CDH4: variants seen among roughly 807,000 people sequenced by gnomAD.
CDH4 encodes the protein cadherin 4.
In CDH4, 33 loss-of-function variants were observed where a neutral mutation model predicts 86.0. The ratio of observed to expected loss-of-function variants is 0.38; its 90% CI spans 0.29 to 0.51. The LOEUF (loss-of-function observed/expected upper bound fraction) is 0.51, where lower values mean the gene tolerates loss of function less well. Ranked by LOEUF, CDH4 falls within the 20% of genes least tolerant of loss-of-function variation. CDH4 has a pLI of 0.86. For synonymous variants in CDH4, 555 were observed against 549.4 expected, an observed-to-expected ratio of 1.01 and a Z score of -0.14; for missense variants, 1,114 against 1,307.4, an observed-to-expected ratio of 0.85 and a Z score of 2.28.
intron 2 of CDH4, among the ~76,000 whole-genome samples, chr20:61,583,865 A>C (rs1023950610): frequency 6.6e-6 from 1 of 152,182 alleles, no homozygotes; most frequent in Non-Finnish European, 1.5e-5. Flanking sequence ...TGACTTTTAA[A>C]ATATTCACTG....
chr20:61,632,227 C>CT (rs1411926272), intron 2 of CDH4, among the ~76,000 whole-genome samples: 1 of 152,186 alleles, frequency 6.6e-6, no homozygotes, highest in East Asian at 1.9e-4. Flanking sequence ...TCAGTGCAGG[C>CT]TGTGAAGGAG....
chr20:61,737,091 T>A (rs2145933626), intron 2 of CDH4, among the ~76,000 whole-genome samples: 1 of 152,226 alleles, frequency 6.6e-6, no homozygotes, highest in Admixed American at 6.5e-5. Context: ...TCGTTGCTCC[T>A]CGTGTTGCTT....
chr20:61,666,262 A>G (rs748371066), intron 2 of CDH4, among the ~76,000 whole-genome samples: 1 of 152,212 alleles, frequency 6.6e-6, no homozygotes, highest in African/African-American at 2.4e-5. Context: ...AGATGGCTGC[A>G]CAGATGAGAG....
chr20:61,759,531 C>A (rs548548547), intron 3 of CDH4, among the ~76,000 whole-genome samples: 2 of 152,250 alleles, frequency 1.3e-5, no homozygotes, highest in African/African-American at 2.4e-5. Flanking sequence ...TCCCGAATCA[C>A]ACACGCTGAT....
intron 4 of CDH4, among the ~76,000 whole-genome samples, chr20:61,827,192 C>G (rs1238946664): frequency 6.6e-6 from 1 of 151,982 alleles, no homozygotes; most frequent in Non-Finnish European, 1.5e-5. Context: ...AAAGCAAGCC[C>G]TGAAAATCAA....
rs1000000578 is a variant in CDH4 at position 61,383,820 on chromosome 20, C to T, written c.169+128883C>T. Among the ~76,000 whole-genome samples the T allele has an allele frequency of 2.3e-4, 20 of 85,420 alleles. 1 individual carries two copies. Among genetic ancestry groups the T allele is most frequent in the African/African-American group, 9.2e-4 (17 of 18,570 alleles). The allele number at this position is 85,420 out of a possible 152,430, so 56.0% of individuals were successfully genotyped here. A position where few individuals can be genotyped will look rare whatever the true frequency, so the allele number is the denominator to read the frequency against. On this transcript the variant is annotated intron_variant, in intron 2 of 15. Coordinates refer to ENST00000614565, the MANE Select transcript of CDH4 (RefSeq NM_001794.5). ...ATGCATATATATGAAGATATATATG[C>T]GTATATATGAAGATATATATGCGTA... is the stretch of plus-strand genomic sequence containing the variant.
At chr20:61,751,580 G>A (rs189535518) in intron 3 of CDH4, among the ~76,000 whole-genome samples, 1 of 151,996 alleles carries the variant, frequency 6.6e-6, no homozygotes, top group East Asian at 1.9e-4. Flanking sequence ...TTTATTATAA[G>A]AGCAGTGCTG....
At chr20:61,740,710 G>A (rs1174174297) in intron 2 of CDH4, 1 of 152,294 alleles carries the variant, frequency 6.6e-6, no homozygotes, top group Non-Finnish European at 1.5e-5. Flanking sequence ...GACAACTCCT[G>A]TTTTCCTCCT....
chr20:61,330,592 C>T (rs2084567296), intron 2 of CDH4, among the ~76,000 whole-genome samples: 1 of 152,194 alleles, frequency 6.6e-6, no homozygotes. Context: ...CATGTCCTGA[C>T]GGGGAACGCC....
chr20:61,578,625 G>A (rs890414003), intron 2 of CDH4, among the ~76,000 whole-genome samples: 3 of 152,100 alleles, frequency 2.0e-5, no homozygotes, highest in African/African-American at 4.8e-5. Context: ...AGGGGTGGTC[G>A]GCCAGGATTC....
chr20:61,862,856 G>A lies in CDH4; in HGVS notation c.877+9958G>A, dbSNP rs112301489. Among the ~76,000 whole-genome samples, 186 of 152,302 alleles carry A rather than the reference G, an allele frequency of 1.2e-3. 1 individual carries two copies. Among genetic ancestry groups the A allele is most frequent in the African/African-American group, 4.1e-3 (172 of 41,558 alleles). On this transcript the variant is annotated intron_variant, in intron 6 of 15. Coordinates refer to ENST00000614565, the MANE Select transcript of CDH4 (RefSeq NM_001794.5). ...AAAATATTAAAAAGCAGGGAAATCT[G>A]CGTGCTGCAAATGAAGTCAAAGAGA...
chr20:61,558,116 A>G (rs939540920), intron 2 of CDH4, among the ~76,000 whole-genome samples: 1 of 152,210 alleles, frequency 6.6e-6, no homozygotes, highest in Middle Eastern at 3.2e-3. Flanking sequence ...TAATGTGATC[A>G]TATCAGACTT....
chr20:61,762,521 TTCCCAGC>T (rs1379681045), intron 3 of CDH4, among the ~76,000 whole-genome samples: 3 of 152,204 alleles, frequency 2.0e-5, no homozygotes, highest in Admixed American at 2.0e-4. Flanking sequence ...TCCAGCAGAA[TTCCCAGC>T]TCGGGGCTGT....
intron 2 of CDH4, among the ~76,000 whole-genome samples, chr20:61,730,272 C>T (rs1271700564): frequency 1.3e-5 from 2 of 152,140 alleles, no homozygotes; most frequent in Non-Finnish European, 2.9e-5. Flanking sequence ...GCCACCACTG[C>T]AGACCTCACA....
At chr20:61,466,103 T>C (rs1340563614) in intron 2 of CDH4, among the ~76,000 whole-genome samples, 2 of 152,118 alleles carry the variant, frequency 1.3e-5, no homozygotes, top group African/African-American at 4.8e-5. Flanking sequence ...CCCAAGGAGA[T>C]GTGGATTTCC....
chr20:61,442,236 C>T (rs1600685068), intron 2 of CDH4, among the ~76,000 whole-genome samples: 2 of 152,208 alleles, frequency 1.3e-5, no homozygotes, highest in African/African-American at 4.8e-5. Context: ...CAAGCTGGCT[C>T]ATGCCACTGT....
intron 2 of CDH4, among the ~76,000 whole-genome samples, chr20:61,532,883 T>C (rs2085966374): frequency 6.6e-6 from 1 of 152,110 alleles, no homozygotes; most frequent in South Asian, 2.1e-4. Flanking sequence ...GGCAGGTCAG[T>C]GTGGCGTAGC....
rs1312241078 is a variant in CDH4 at position 61,811,228 on chromosome 20, A to C, written c.577-33440A>C. Reference sequence around the variant, plus strand: ...GGATGTGAACCAGGTGAAGTGAAGAATTGCTGGAGGAAACATCCAAACGGC... The same window carrying C: ...GGATGTGAACCAGGTGAAGTGAAGACTTGCTGGAGGAAACATCCAAACGGC... On this transcript the variant is annotated intron_variant, in intron 4 of 15. Transcript: ENST00000614565. The surrounding 1 kb of genome is among the most constrained non-coding windows in gnomAD (Gnocchi z 4.4). Among the ~76,000 whole-genome samples, 1 of 152,210 alleles carries C rather than the reference A, an allele frequency of 6.6e-6. No homozygotes were observed. The highest frequency in any genetic ancestry group is 1.5e-5 in the Non-Finnish European group (1 of 68,032).
At chr20:61,779,736 C>T (rs1057084123) in intron 4 of CDH4, among the ~76,000 whole-genome samples, 1 of 152,236 alleles carries the variant, frequency 6.6e-6, no homozygotes, top group African/African-American at 2.4e-5. Flanking sequence ...CCTGCACGGG[C>T]TCTGGACTGC....
Sources: allele counts gnomAD v4.1 joint callset (sites outside exome capture counted in the v4.1 genomes callset), GRCh38; gene constraint gnomAD v4.1.1; non-coding constraint Gnocchi (gnomAD v3.1); transcripts MANE v1.5; gene names NCBI Gene and HGNC (gene_info 2026-07-23, HGNC 2026-07-21).